PAIP2: variants seen among roughly 807,000 people sequenced by gnomAD.
The protein encoded by PAIP2 is poly(A) binding protein interacting protein 2.
A neutral mutation model predicts 14.8 loss-of-function variants in PAIP2; 7 were observed. The observed-to-expected ratio is 0.47, with a 90% CI of 0.27 to 0.89. The LOEUF (loss-of-function observed/expected upper bound fraction) is 0.89, where lower values mean the gene tolerates loss of function less well. PAIP2 is among the 40% of genes least tolerant of loss of function. The pLI is 0.13. For missense variants in PAIP2, 122 were observed against 154.7 expected (o/e 0.79, Z 1.12); for synonymous variants, 47 against 45.3 (o/e 1.04, Z -0.15).
At chr5:139,357,889 A>T (rs145572979) in intron 1 of PAIP2, among the ~76,000 whole-genome samples, 1 of 152,172 alleles carries the variant, frequency 6.6e-6, no homozygotes, top group Non-Finnish European at 1.5e-5. Flanking sequence ...AATGCAGGCT[A>T]TTGTCTTCAA....
chr5:139,345,271 C>A (rs1156361227), intron 1 of PAIP2, among the ~76,000 whole-genome samples: 1 of 152,094 alleles, frequency 6.6e-6, no homozygotes, highest in Non-Finnish European at 1.5e-5. Flanking sequence ...GATCTCCTGA[C>A]CTCGTGATCC....
At chr5:139,344,578 T>C (rs1756479464) in intron 1 of PAIP2, among the ~76,000 whole-genome samples, 1 of 152,226 alleles carries the variant, frequency 6.6e-6, no homozygotes, top group African/African-American at 2.4e-5. Flanking sequence ...TTTAATTAAA[T>C]AGATCTGTGT....
At chr5:139,362,839 C>T (rs1015745256) in intron 1 of PAIP2, among the ~76,000 whole-genome samples, 5 of 152,112 alleles carry the variant, frequency 3.3e-5, no homozygotes, top group African/African-American at 7.2e-5. Context: ...TGCACCCAGC[C>T]GACCATGCTT....
chr5:139,342,288 T>A (rs1756403478), intron 1 of PAIP2, among the ~76,000 whole-genome samples: 1 of 152,094 alleles, frequency 6.6e-6, no homozygotes, highest in Non-Finnish European at 1.5e-5. Context: ...CTCCTGTTCC[T>A]CATTCTCCCG....
intron 1 of PAIP2, chr5:139,342,500 C>A (rs983003671): frequency 1.3e-5 from 2 of 152,094 alleles, no homozygotes; most frequent in African/African-American, 4.8e-5. Flanking sequence ...CTTGGGGGAA[C>A]GCTGCAACCG....
chr5:139,347,781 A>T (rs983590314), intron 1 of PAIP2, among the ~76,000 whole-genome samples: 1 of 152,222 alleles, frequency 6.6e-6, no homozygotes, highest in African/African-American at 2.4e-5. Flanking sequence ...CATAAAAAAA[A>T]AAAAGATGTT....
In PAIP2 at chr5:139,362,467, A is replaced by G. The variant is rs1581318692; in HGVS notation, c.-26-1292A>G. On this transcript the variant is annotated intron_variant, in intron 1 of 3. Coordinates refer to ENST00000265192, the MANE Select transcript of PAIP2 (RefSeq NM_016480.5). ...CTCTTTTTGCCCAGGCTGGAGTGCA[A>G]CGGCGCAATCTTGGCTCACCACAGC... Among the ~76,000 whole-genome samples, 7 of 143,176 alleles carry G rather than the reference A, an allele frequency of 4.9e-5. No homozygotes were observed. In the East Asian group the frequency reaches 1.0e-3, roughly 21 times the overall value. The allele number at this position is 143,176 out of a possible 152,430, so 93.9% of individuals were successfully genotyped here.
chr5:139,357,625 G>A (rs992146042), intron 1 of PAIP2, among the ~76,000 whole-genome samples: 3 of 152,128 alleles, frequency 2.0e-5, no homozygotes, highest in African/African-American at 7.2e-5. Context: ...GAGGTCAAGA[G>A]ATCGAGACCA....
At position 139,364,611 on chromosome 5, in the gene PAIP2, A is replaced by G; in HGVS notation, c.186A>G (p.Gln62=). ...WEEEFIERCF[Q]EMLEEEEEHE... is the part of the protein sequence containing the mutation. Reference sequence around the variant, plus strand: ...AAGAATTTATTGAACGCTGTTTCCAAGAAATGCTGGAAGAGGAAGAAGAGC... The same window carrying G: ...AAGAATTTATTGAACGCTGTTTCCAGGAAATGCTGGAAGAGGAAGAAGAGC... Residue 62 remains glutamine, a synonymous_variant, in exon 3 of 4, where the codon CAA becomes CAG. Coordinates refer to ENST00000265192, the MANE Select transcript of PAIP2 (RefSeq NM_016480.5). The G allele has an allele frequency of 6.2e-7, 1 of 1,611,268 alleles. No individual in the cohort carries two copies. The highest frequency in any genetic ancestry group is 1.1e-5 in the South Asian group (1 of 91,002).
At chr5:139,345,106 C>T (rs192539969) in intron 1 of PAIP2, among the ~76,000 whole-genome samples, 165 of 152,070 alleles carry the variant, frequency 1.1e-3, no homozygotes, top group African/African-American at 3.8e-3. Context: ...AGTGCAGTGG[C>T]GCGATCTCGG....
intron 1 of PAIP2, among the ~76,000 whole-genome samples, chr5:139,360,525 C>G (rs907843038): frequency 6.6e-6 from 1 of 152,086 alleles, no homozygotes; most frequent in Admixed American, 6.6e-5. Context: ...TAGGGTCTTG[C>G]TCTGCCGCCC....
rs1757160930 is a variant in PAIP2 at position 139,364,547 on chromosome 5, C to G, written c.139-17C>G. ...TCTACCAAGTGTGCTATAAATTATC[C>G]TTTATTATAAATCTAGATAGAAGAG... is the stretch of plus-strand genomic sequence containing the variant. On this transcript the variant is annotated splice_polypyrimidine_tract_variant and intron_variant, in intron 2 of 3. Coordinates refer to ENST00000265192, the MANE Select transcript of PAIP2 (RefSeq NM_016480.5). 3.4e-6 allele frequency: 5 copies of G among 1,478,552 alleles called. No individual in the cohort carries two copies. The highest frequency in any genetic ancestry group is 3.8e-6 in the Non-Finnish European group (4 of 1,062,248). The allele number at this position is 1,478,552 out of a possible 1,614,324, so 91.6% of individuals were successfully genotyped here.
chr5:139,345,258 C>G (rs1466551211), intron 1 of PAIP2, among the ~76,000 whole-genome samples: 1 of 152,092 alleles, frequency 6.6e-6, no homozygotes, highest in Non-Finnish European at 1.5e-5. Flanking sequence ...CCAGGATGGT[C>G]TCGATCTCCT....
At chr5:139,350,460 A>G (rs569176979) in intron 1 of PAIP2, among the ~76,000 whole-genome samples, 3 of 151,666 alleles carry the variant, frequency 2.0e-5, no homozygotes, top group South Asian at 2.1e-4. Context: ...ACAAAACCCC[A>G]TGTCTACTAA....
At chr5:139,354,377 C>G (rs1756842787) in intron 1 of PAIP2, among the ~76,000 whole-genome samples, 1 of 152,026 alleles carries the variant, frequency 6.6e-6, no homozygotes, top group African/African-American at 2.4e-5. Context: ...GGTGAGAAAT[C>G]AGCTGTTAAT....
chr5:139,368,532 AAAAG>A (rs1757438276), intron 3 of PAIP2, among the ~76,000 whole-genome samples, 197 bp from the exon 4 acceptor site: 1 of 149,170 alleles, frequency 6.7e-6, no homozygotes, highest in African/African-American at 2.5e-5. Flanking sequence ...CCGTCACAAA[AAAAG>A]AAAAGAAAAA....
chr5:139,363,940 A>T lies in PAIP2; in HGVS notation c.138+18A>T, dbSNP rs368501300. On this transcript the variant is annotated intron_variant, in intron 2 of 3. Coordinates refer to ENST00000265192, the MANE Select transcript of PAIP2 (RefSeq NM_016480.5). ...ACAGACAAGTTAGTTTTTTGTACAA[A>T]CATGTTTTTATAGTCCATTCTGGCC... 6.2e-7 allele frequency: 1 copy of T among 1,609,532 alleles called. No individual in the cohort carries two copies. Among genetic ancestry groups the T allele is most frequent in the Non-Finnish European group, 8.5e-7 (1 of 1,176,206 alleles).
chr5:139,368,627 CTTTT>C (rs1426927836), intron 3 of PAIP2, 102 bp from the exon 4 acceptor site: 4 of 771,112 alleles, frequency 5.2e-6, no homozygotes, highest in Admixed American at 2.3e-5. Flanking sequence ...AGACTGAGTT[CTTTT>C]GTCTTTTTTT....
At chr5:139,361,709 C>T (rs1307426826) in intron 1 of PAIP2, among the ~76,000 whole-genome samples, 1 of 152,078 alleles carries the variant, frequency 6.6e-6, no homozygotes, top group Non-Finnish European at 1.5e-5. Flanking sequence ...CTTTGGGAGG[C>T]TGAGACAGGT....
Sources: gnomAD v4.1 joint callset for allele counts (sites outside exome capture counted in the v4.1 genomes callset) on GRCh38, gnomAD v4.1.1 for gene constraint, MANE v1.5 for transcripts, NCBI Gene and HGNC (gene_info 2026-07-23, HGNC 2026-07-21) for gene names.